HTR1E: variants seen among roughly 807,000 people sequenced by gnomAD.
The protein encoded by HTR1E is 5-hydroxytryptamine receptor 1E.
A neutral mutation model predicts 3.4 loss-of-function variants in HTR1E; 3 were observed. The ratio of observed to expected loss-of-function variants is 0.89; its 90% CI spans 0.41 to 2.31. The LOEUF (loss-of-function observed/expected upper bound fraction) is 2.31, where lower values mean the gene tolerates loss of function less well. HTR1E is among the 30% of genes most tolerant of loss of function. The pLI is 0.05. For synonymous variants in HTR1E, 170 were observed against 182.8 expected (o/e 0.93, Z 0.56); for missense variants, 392 against 467.0 (o/e 0.84, Z 1.48).
At chr6:87,001,780 C>A (rs1023375299) in intron 1 of HTR1E, among the ~76,000 whole-genome samples, 3 of 151,864 alleles carry the variant, frequency 2.0e-5, no homozygotes, top group African/African-American at 7.3e-5. Context: ...GGAACTCAGA[C>A]AAAAATAAAT....
chr6:86,955,566 T>C (rs900827202), intron 1 of HTR1E, among the ~76,000 whole-genome samples: 1 of 152,246 alleles, frequency 6.6e-6, no homozygotes, highest in African/African-American at 2.4e-5. Context: ...CTCAGGCTTC[T>C]GATCCACAGA....
chr6:86,975,722 T>C (rs1767626115), intron 1 of HTR1E, among the ~76,000 whole-genome samples: 1 of 152,134 alleles, frequency 6.6e-6, no homozygotes, highest in Admixed American at 6.6e-5. Flanking sequence ...AGGAACATCC[T>C]AATACCTTAA....
chr6:86,993,290 A>G (rs1398050410), intron 1 of HTR1E, among the ~76,000 whole-genome samples: 2 of 152,068 alleles, frequency 1.3e-5, no homozygotes, highest in Non-Finnish European at 2.9e-5. Flanking sequence ...AAAAGATGGT[A>G]TAAATGTATC....
chr6:86,993,802 T>C (rs975079020), intron 1 of HTR1E, among the ~76,000 whole-genome samples: 2 of 151,604 alleles, frequency 1.3e-5, no homozygotes, highest in African/African-American at 2.4e-5. Flanking sequence ...ACCAGGAAAA[T>C]TTAACTTAAA....
chr6:86,970,144 G>A (rs762991182), intron 1 of HTR1E, among the ~76,000 whole-genome samples: 5 of 152,180 alleles, frequency 3.3e-5, no homozygotes, highest in African/African-American at 7.2e-5. Context: ...TTTCTTAAGG[G>A]AAGAAACTGT....
intron 1 of HTR1E, among the ~76,000 whole-genome samples, chr6:86,974,553 A>G (rs1167298316): frequency 6.6e-6 from 1 of 152,214 alleles, no homozygotes; most frequent in Non-Finnish European, 1.5e-5. Flanking sequence ...TTCAGTAGAA[A>G]TATCACAGAA....
At chr6:86,951,185 T>C (rs1767235097) in intron 1 of HTR1E, among the ~76,000 whole-genome samples, 1 of 152,162 alleles carries the variant, frequency 6.6e-6, no homozygotes, top group South Asian at 2.1e-4. Context: ...ATTAATTTGG[T>C]TAATGAGGAT....
At chr6:86,946,240 C>T (rs1470693398) in intron 1 of HTR1E, among the ~76,000 whole-genome samples, 1 of 151,888 alleles carries the variant, frequency 6.6e-6, no homozygotes, top group African/African-American at 2.4e-5. Flanking sequence ...GCTTCTAATC[C>T]TGCAAACTCC....
At chr6:86,980,755 C>T (rs1767700742) in intron 1 of HTR1E, among the ~76,000 whole-genome samples, 2 of 152,130 alleles carry the variant, frequency 1.3e-5, no homozygotes, top group African/African-American at 4.8e-5. Flanking sequence ...TACTTTATTC[C>T]TCTTAAAGAG....
At chr6:86,961,846 C>A (rs1369199088) in intron 1 of HTR1E, among the ~76,000 whole-genome samples, 1 of 152,190 alleles carries the variant, frequency 6.6e-6, no homozygotes, top group South Asian at 2.1e-4. Flanking sequence ...AAGATCAGAA[C>A]AGATTTCACA....
Position 86,960,512 on chromosome 6 carries a change from T to TGTG in HTR1E, c.-186+22689_-186+22690insGTG, listed in dbSNP as rs556612234. On this transcript the variant is annotated intron_variant, in intron 1 of 1. Transcript: ENST00000305344. Reference sequence around the variant, plus strand: ...GTTTACATTATTCCACCTGGTGAACTTCACCAGTTAGACTCCATTTATGAC... The same window carrying TGTG: ...GTTTACATTATTCCACCTGGTGAACTGTGTCACCAGTTAGACTCCATTTATGAC... Among the ~76,000 whole-genome samples the TGTG allele has an allele frequency of 1.8e-3, 279 of 152,284 alleles. 2 individuals are homozygous for TGTG. The highest frequency in any genetic ancestry group is 0.01 in the Middle Eastern group (3 of 294).
rs148536645 is a variant in HTR1E at position 86,956,098 on chromosome 6, T to C, written c.-186+18275T>C. Among the ~76,000 whole-genome samples the C allele has an allele frequency of 7.4e-3, 1,123 of 151,976 alleles. 28 individuals carry two copies. Among genetic ancestry groups the C allele is most frequent in the Admixed American group, 0.036 (546 of 15,274 alleles). The stretch of plus-strand genomic sequence containing the variant: ...AGAGATTCTTTGTGGCAATAAGGTA[T>C]ATCACAAAATCATAGATAGCAGGCC... On this transcript the variant is annotated intron_variant, in intron 1 of 1. Coordinates refer to ENST00000305344, the MANE Select transcript of HTR1E (RefSeq NM_000865.3).
intron 1 of HTR1E, among the ~76,000 whole-genome samples, chr6:86,972,209 CATT>C (rs1267786552): frequency 6.6e-6 from 1 of 152,070 alleles, no homozygotes; most frequent in African/African-American, 2.4e-5. Flanking sequence ...ATGGCTGAAA[CATT>C]ATTCATTCTA....
At chr6:87,010,103 T>A (rs1182600272) in intron 1 of HTR1E, among the ~76,000 whole-genome samples, 6 of 113,966 alleles carry the variant, frequency 5.3e-5, no homozygotes, top group Admixed American at 8.8e-5. Context: ...CTGGCCGGGC[T>A]GAGGGGCTCC....
In HTR1E at chr6:87,016,084, A is replaced by T; in HGVS notation, c.750A>T (p.Ser250=). 1.9e-6 allele frequency: 3 copies of T among 1,614,162 alleles called. No homozygotes were observed. The highest frequency in any genetic ancestry group is 2.5e-6 in the Non-Finnish European group (3 of 1,180,032). Reference sequence around the variant, plus strand: ...TCTGTGTGTCTGACTTCTCCACCTCAGACCCTACCACAGAGTTTGAAAAGT... The same window carrying T: ...TCTGTGTGTCTGACTTCTCCACCTCTGACCCTACCACAGAGTTTGAAAAGT... The part of the protein sequence containing the change: ...QTFCVSDFST[S]DPTTEFEKFH... The change falls in exon 2 of 2, where the codon TCA becomes TCT. Residue 250 remains serine (S), a synonymous_variant. Coordinates refer to ENST00000305344, the MANE Select transcript of HTR1E (RefSeq NM_000865.3).
chr6:86,972,407 T>C (rs6922679), intron 1 of HTR1E, among the ~76,000 whole-genome samples: 23,494 of 152,112 alleles, frequency 0.15, 2,101 homozygotes, highest in East Asian at 0.29. Context: ...AACCAACTTT[T>C]ACAAGGCTCT....
chr6:86,977,140 G>A (rs1032707116), intron 1 of HTR1E, among the ~76,000 whole-genome samples: 1 of 152,122 alleles, frequency 6.6e-6, no homozygotes, highest in Non-Finnish European at 1.5e-5. Context: ...CACTCAGGGA[G>A]TAAGCTTAGT....
intron 1 of HTR1E, chr6:86,970,670 G>A: frequency 6.2e-6 from 1 of 162,162 alleles, no homozygotes; most frequent in Non-Finnish European, 1.3e-5. Flanking sequence ...GGCCAGAATG[G>A]CAAGAAAAGC....
Position 87,015,284 on chromosome 6 carries a change from A to G in HTR1E, c.-51A>G. On this transcript the variant is annotated 5_prime_UTR_variant, in exon 2 of 2. Transcript: ENST00000305344. ...TTCGAGGCTACATAGTTTTCAGCCA[A>G]AGGAAAATAACCAACAGCTTCTCCA... 5 of 1,457,834 alleles carry G rather than the reference A, an allele frequency of 3.4e-6. No individual in the cohort carries two copies. In the East Asian group the frequency reaches 1.2e-4, roughly 34 times the overall value. The allele number at this position is 1,457,834 out of a possible 1,614,324, so 90.3% of individuals were successfully genotyped here.
Sources: gnomAD v4.1 joint callset for allele counts (sites outside exome capture counted in the v4.1 genomes callset) on GRCh38, gnomAD v4.1.1 for gene constraint, MANE v1.5 for transcripts, NCBI Gene and HGNC (gene_info 2026-07-23, HGNC 2026-07-21) for gene names.